Variants in GALNT7 observed in about 807,000 individuals in gnomAD.
GALNT7 encodes the protein N-acetylgalactosaminyltransferase 7.
GALNT7 carries 60 observed loss-of-function variants against 82.1 expected under a neutral mutation model. The observed-to-expected ratio is 0.73, with a 90% confidence interval of 0.59 to 0.91. The LOEUF (loss-of-function observed/expected upper bound fraction) is 0.91, where lower values mean the gene tolerates loss of function less well. GALNT7 is among the 40% of genes least tolerant of loss of function. GALNT7 has a pLI of 0.00. For missense variants in GALNT7, 660 were observed against 804.2 expected (o/e 0.82, Z 2.17); for synonymous variants, 243 against 275.1 (o/e 0.88, Z 1.15).
At chr4:173,202,291 AAG>A (rs1015083992) in intron 1 of GALNT7, among the ~76,000 whole-genome samples, 2 of 152,160 alleles carry the variant, frequency 1.3e-5, no homozygotes, top group African/African-American at 4.8e-5. Context: ...AATTCTCTGA[AAG>A]AGAAGTACAA....
chr4:173,298,765 C>G (rs542477349), intron 6 of GALNT7, among the ~76,000 whole-genome samples: 4 of 152,156 alleles, frequency 2.6e-5, no homozygotes, highest in Admixed American at 6.5e-5. Context: ...CTGGGTTTTT[C>G]TCCCCTTTTG....
intron 6 of GALNT7, among the ~76,000 whole-genome samples, chr4:173,298,957 C>T (rs1015678180): frequency 6.6e-6 from 1 of 152,206 alleles, no homozygotes; most frequent in Non-Finnish European, 1.5e-5. Flanking sequence ...TTCAGTAGAA[C>T]AACTTATGCT....
intron 2 of GALNT7, among the ~76,000 whole-genome samples, chr4:173,275,958 G>A (rs984339514): frequency 1.3e-5 from 2 of 152,092 alleles, no homozygotes; most frequent in Non-Finnish European, 2.9e-5. Flanking sequence ...TCCAACTATG[G>A]CACCATACAG....
At chr4:173,296,121 C>T (rs1736708763) in intron 5 of GALNT7, among the ~76,000 whole-genome samples, 1 of 152,132 alleles carries the variant, frequency 6.6e-6, no homozygotes, top group South Asian at 2.1e-4. Flanking sequence ...GGCACTTTCT[C>T]TAAGAGTTAT....
chr4:173,231,137 A>G (rs984240494), intron 1 of GALNT7, among the ~76,000 whole-genome samples: 5 of 152,198 alleles, frequency 3.3e-5, no homozygotes, highest in Admixed American at 1.3e-4. Flanking sequence ...CTTTGTATCA[A>G]ATTTTTAAAA....
At chr4:173,234,448 A>G (rs1377737963) in intron 1 of GALNT7, among the ~76,000 whole-genome samples, 1 of 152,210 alleles carries the variant, frequency 6.6e-6, no homozygotes, top group African/African-American at 2.4e-5. Flanking sequence ...GGAACTCATC[A>G]TCTTCAATTC....
chr4:173,282,065 T>TA (rs1175031848), intron 2 of GALNT7, among the ~76,000 whole-genome samples: 1 of 152,228 alleles, frequency 6.6e-6, no homozygotes, highest in Non-Finnish European at 1.5e-5. Flanking sequence ...ATTGCCGAGT[T>TA]ACAGCTGACT....
intron 1 of GALNT7, among the ~76,000 whole-genome samples, chr4:173,232,747 G>A (rs556465817): frequency 5.3e-4 from 81 of 152,150 alleles, no homozygotes; most frequent in African/African-American, 1.8e-3. Flanking sequence ...TCTTTGTGTC[G>A]GGAATGCCTC....
At chr4:173,306,134 G>C (rs547642482) in intron 8 of GALNT7, among the ~76,000 whole-genome samples, 125 of 151,758 alleles carry the variant, frequency 8.2e-4, no homozygotes, top group African/African-American at 3.0e-3. Flanking sequence ...TTATTGTTTT[G>C]CTTAGCTATT....
chr4:173,262,502 C>G (rs753013203), intron 2 of GALNT7, among the ~76,000 whole-genome samples: 13 of 152,084 alleles, frequency 8.5e-5, no homozygotes, highest in Admixed American at 3.3e-4. Context: ...GCCTTAACTC[C>G]TGAGAAACTG....
chr4:173,205,171 C>T (rs993623290), intron 1 of GALNT7, among the ~76,000 whole-genome samples: 4 of 151,992 alleles, frequency 2.6e-5, no homozygotes, highest in Admixed American at 6.5e-5. Context: ...GTCTGGAGCC[C>T]GTATCCTCAG....
At chr4:173,225,046 A>AATAATAATAATAATAATTATAATT (rs1561161789) in intron 1 of GALNT7, among the ~76,000 whole-genome samples, 3 of 84,860 alleles carry the variant, frequency 3.5e-5, no homozygotes, top group African/African-American at 1.0e-4. Context: ...TAATAATAAT[A>AATAATAATAATAATAATTATAATT]ATAATTATAA....
intron 2 of GALNT7, among the ~76,000 whole-genome samples, chr4:173,261,768 G>A (rs111325131): frequency 0.023 from 3,533 of 152,254 alleles, 67 homozygotes; most frequent in Non-Finnish European, 0.033. Context: ...GCAGTGAACT[G>A]AGACTGTGCC....
At chr4:173,234,491 T>C (rs1734147229) in intron 1 of GALNT7, among the ~76,000 whole-genome samples, 1 of 152,228 alleles carries the variant, frequency 6.6e-6, no homozygotes, top group South Asian at 2.1e-4. Flanking sequence ...TCTCAGTGAA[T>C]AGTATCCAGT....
At position 173,205,477 on chromosome 4, in the gene GALNT7, C is replaced by T. The variant is rs1733058050; in HGVS notation, c.126+36516C>T. Among the ~76,000 whole-genome samples, 3 of 151,686 alleles carry T rather than the reference C, an allele frequency of 2.0e-5. No homozygotes were observed. In the South Asian group the frequency reaches 6.3e-4, roughly 32 times the overall value. On this transcript the variant is annotated intron_variant, in intron 1 of 11. Coordinates refer to ENST00000265000, the MANE Select transcript of GALNT7 (RefSeq NM_017423.3). ...AGCATGGGGCTGCAGGGACTTTATT[C>T]TGTTCTTCTCTCTTGCTGTCTTTTT... is the stretch of plus-strand genomic sequence containing the variant.
rs1025571446 is a variant in GALNT7 at position 173,244,707 on chromosome 4, T to A, written c.127-3273T>A. ...TTCCTATTGTAATCTTGTTCAGAGGTGAGGGTGCCTGAATTAAGGCAGTAG... is the reference window on the plus strand; with the variant it reads ...TTCCTATTGTAATCTTGTTCAGAGGAGAGGGTGCCTGAATTAAGGCAGTAG... On this transcript the variant is annotated intron_variant, in intron 1 of 11. Coordinates refer to ENST00000265000, the MANE Select transcript of GALNT7 (RefSeq NM_017423.3). Among the ~76,000 whole-genome samples the A allele has an allele frequency of 2.0e-5, 3 of 152,062 alleles. No individual in the cohort carries two copies. In the South Asian group the frequency reaches 6.2e-4, roughly 31 times the overall value.
intron 5 of GALNT7, chr4:173,297,892 G>A: frequency 5.3e-6 from 8 of 1,506,880 alleles, no homozygotes; most frequent in Non-Finnish European, 6.2e-6. Flanking sequence ...TGCCAGAGGG[G>A]CCTGGGACTG....
chr4:173,181,438 G>A (rs2126628240), intron 1 of GALNT7, among the ~76,000 whole-genome samples: 1 of 152,166 alleles, frequency 6.6e-6, no homozygotes, highest in Non-Finnish European at 1.5e-5. Context: ...AAATACTTTA[G>A]TAAATAATTT....
intron 1 of GALNT7, among the ~76,000 whole-genome samples, chr4:173,206,679 A>G (rs1733109492): frequency 6.6e-6 from 1 of 152,188 alleles, no homozygotes. Flanking sequence ...GTTCTAAGAA[A>G]TGGGAGGTAG....
Sources: allele counts gnomAD v4.1 joint callset (sites outside exome capture counted in the v4.1 genomes callset), GRCh38; gene constraint gnomAD v4.1.1; transcripts MANE v1.5; gene names NCBI Gene and HGNC (gene_info 2026-07-23, HGNC 2026-07-21).